Variants in MMS19 observed in about 807,000 individuals in gnomAD.
MMS19 encodes MMS19 cytosolic iron-sulfur assembly component.
Under a neutral mutation model 129.8 loss-of-function variants are expected in MMS19, and 77 were observed. The observed-to-expected ratio is 0.59, with a 90% CI of 0.49 to 0.72. The LOEUF is 0.72. Ranked by LOEUF, MMS19 falls within the 30% of genes least tolerant of loss-of-function variation. The pLI is 0.00. For synonymous variants in MMS19, 491 were observed against 502.8 expected, an observed-to-expected ratio of 0.98 and a Z score of 0.31; for missense variants, 1,168 against 1,266.3, an observed-to-expected ratio of 0.92 and a Z score of 1.18.
In MMS19 at chr10:97,479,421, C is replaced by A. The variant is rs550536432; in HGVS notation, c.263-1032G>T. Among the ~76,000 whole-genome samples the A allele has an allele frequency of 3.3e-5, 5 of 152,112 alleles. No individual in the cohort carries two copies. In the South Asian group the frequency reaches 1.0e-3, roughly 32 times the overall value. Reference sequence around the variant, plus strand: ...GGAGCCCTTGCTGCTGTTCCCCATTCGACGCCCCTTTTCAGTAGGAAGTAG... The same window carrying A: ...GGAGCCCTTGCTGCTGTTCCCCATTAGACGCCCCTTTTCAGTAGGAAGTAG... On this transcript the variant is annotated intron_variant, in intron 3 of 30. Transcript: ENST00000438925.
At chr10:97,496,854 C>T (rs566955046) in intron 1 of MMS19, among the ~76,000 whole-genome samples, 2 of 152,220 alleles carry the variant, frequency 1.3e-5, no homozygotes, top group East Asian at 1.9e-4. Flanking sequence ...GGAAAGTGTA[C>T]AGGTATCTGC....
chr10:97,459,758 G>T lies in MMS19; in HGVS notation c.2657-17C>A. The T allele has an allele frequency of 6.3e-7, 1 of 1,584,100 alleles. No homozygotes were observed. Among genetic ancestry groups the T allele is most frequent in the Non-Finnish European group, 8.6e-7 (1 of 1,158,030 alleles). ...GCTTCACATCTGTAAAAAATGGAAA[G>T]GCTTAGGGGAGAAATTGGACTTAGA... On this transcript the variant is annotated splice_polypyrimidine_tract_variant and intron_variant, in intron 26 of 30. Transcript: ENST00000438925.
intron 2 of MMS19, among the ~76,000 whole-genome samples, chr10:97,481,865 T>A (rs986145562): frequency 1.3e-5 from 2 of 152,184 alleles, no homozygotes; most frequent in Non-Finnish European, 2.9e-5. Flanking sequence ...TAGAAAGGTT[T>A]CTACTCAGGA....
chr10:97,477,970 C>T (rs757324330), intron 4 of MMS19, 41 bp from the exon 5 acceptor site: 49 of 1,369,922 alleles, frequency 3.6e-5, no homozygotes, highest in Non-Finnish European at 4.5e-5. Flanking sequence ...GAAGGAATTG[C>T]AGCATGGCCT....
At chr10:97,464,071 C>A in intron 18 of MMS19, 58 bp from the exon 19 acceptor site, 1 of 1,495,850 alleles carries the variant, frequency 6.7e-7, no homozygotes, top group East Asian at 2.3e-5. Flanking sequence ...CAGGTGTTTC[C>A]AATTACACAG....
rs766312726 is a variant in MMS19, at chr10:97,465,953, C to A, written c.1608G>T (p.Gly536=). The change falls in exon 18 of 31, where the codon GGG becomes GGT. Residue 536 remains glycine (G), a splice_region_variant and synonymous_variant. Coordinates refer to ENST00000438925, the MANE Select transcript of MMS19 (RefSeq NM_022362.5). ...CATCTCCGTTAGTCAAATTTGACTC[C>A]CCTGAAAGCAACCCATGAGACAAAG... ...VPKLAEELRV[G]ESNLTNGDEP... is the part of the protein sequence containing the mutation. 24 of 1,613,506 alleles carry A rather than the reference C, an allele frequency of 1.5e-5. No individual in the cohort carries two copies. Among genetic ancestry groups the A allele is most frequent in the Non-Finnish European group, 1.8e-5 (21 of 1,179,718 alleles).
intron 14 of MMS19, 112 bp from the exon 15 acceptor site, chr10:97,467,013 C>G: frequency 8.1e-7 from 1 of 1,229,148 alleles, no homozygotes; most frequent in Non-Finnish European, 1.1e-6. Context: ...GACAAGGCCT[C>G]TGTTGCCCAG....
intron 23 of MMS19, chr10:97,461,261 G>A: frequency 1.6e-6 from 1 of 615,638 alleles, no homozygotes; most frequent in South Asian, 2.0e-5. Context: ...ACTGTAGGGA[G>A]TAGGACGGCA....
At chr10:97,491,278 T>C (rs1195786735) in intron 1 of MMS19, among the ~76,000 whole-genome samples, 1 of 152,212 alleles carries the variant, frequency 6.6e-6, no homozygotes, top group East Asian at 1.9e-4. Flanking sequence ...TCTGTGGATG[T>C]CAGGCTAGGG....
intron 5 of MMS19, among the ~76,000 whole-genome samples, chr10:97,477,621 G>T (rs994119838): frequency 2.0e-5 from 3 of 152,156 alleles, no homozygotes; most frequent in Non-Finnish European, 4.4e-5. Context: ...CCTGACAGAG[G>T]GATGCCTTAC....
intron 19 of MMS19, 191 bp from the exon 20 acceptor site, chr10:97,462,873 C>T: frequency 1.7e-6 from 1 of 594,728 alleles, no homozygotes; most frequent in South Asian, 2.0e-5. Context: ...TGACCTGGGG[C>T]CACAGAGCGC....
intron 1 of MMS19, among the ~76,000 whole-genome samples, chr10:97,485,323 T>C (rs2037626539): frequency 6.6e-6 from 1 of 151,952 alleles, no homozygotes; most frequent in Admixed American, 6.6e-5. Flanking sequence ...CTTTTTCTTC[T>C]TTTTTTGAGA....
chr10:97,498,593 C>A (rs2040247037), upstream of MMS19: 4 of 588,310 alleles, frequency 6.8e-6, no homozygotes, highest in Admixed American at 7.0e-5. Flanking sequence ...CTGCTGGGCA[C>A]GCAGCCGGAG....
chr10:97,496,913 G>A (rs2039900683), intron 1 of MMS19, among the ~76,000 whole-genome samples: 1 of 152,200 alleles, frequency 6.6e-6, no homozygotes. Context: ...ATATTAAAAT[G>A]TTAATGGTAG....
chr10:97,477,468 C>T, intron 5 of MMS19, 52 bp from the exon 6 acceptor site: 1 of 1,613,178 alleles, frequency 6.2e-7, no homozygotes, highest in Non-Finnish European at 8.5e-7. Context: ...AATACCTCAG[C>T]TGACACAGCT....
chr10:97,463,462 C>T (rs1271870042), intron 19 of MMS19, among the ~76,000 whole-genome samples: 3 of 152,206 alleles, frequency 2.0e-5, no homozygotes, highest in Non-Finnish European at 2.9e-5. Context: ...CCAGCCTAGA[C>T]GGTACTCTTT....
Position 97,460,833 on chromosome 10 carries a change from G to A in MMS19, c.2412+74C>T. ...GAGACATAGATGTTTATGGTTTAGG[G>A]TCAAACAGGGACATTTTATTTAACC... On this transcript the variant is annotated intron_variant, in intron 24 of 30. Coordinates refer to ENST00000438925, the MANE Select transcript of MMS19 (RefSeq NM_022362.5). 6 of 1,531,774 alleles carry A rather than the reference G, an allele frequency of 3.9e-6. No individual in the cohort carries two copies. The South Asian group carries it at 7.1e-5, about 18-fold the overall frequency. 94.9% of individuals were successfully genotyped at this position (1,531,774 alleles called of 1,614,324 possible).
upstream of MMS19, chr10:97,498,755 A>C: frequency 7.0e-6 from 2 of 283,928 alleles, no homozygotes; most frequent in Non-Finnish European, 1.3e-5. Flanking sequence ...TGTCGGTCAC[A>C]TGCGCACCTG....
At chr10:97,462,281 G>A (rs903929940) in intron 20 of MMS19, among the ~76,000 whole-genome samples, 162 bp from the exon 21 acceptor site, 1 of 152,232 alleles carries the variant, frequency 6.6e-6, no homozygotes, top group Non-Finnish European at 1.5e-5. Context: ...TGGCACATAT[G>A]TGCCAGTAAT....
Sources: allele counts gnomAD v4.1 joint callset (sites outside exome capture counted in the v4.1 genomes callset), GRCh38; gene constraint gnomAD v4.1.1; transcripts MANE v1.5; gene names NCBI Gene and HGNC (gene_info 2026-07-23, HGNC 2026-07-21).